Variants in DNAH12 observed in about 807,000 individuals in gnomAD.
DNAH12 encodes the protein dynein axonemal heavy chain 12, also known as axonemal beta dynein heavy chain 12.
In DNAH12, 285 loss-of-function variants were observed where a neutral mutation model predicts 371.5. That is an observed-to-expected ratio of 0.77 (90% CI 0.70 to 0.85). The LOEUF is 0.85. Ranked by LOEUF, DNAH12 falls within the 40% of genes least tolerant of loss-of-function variation. DNAH12 has a pLI of 0.00. For missense variants in DNAH12, 3,611 were observed against 3,689.4 expected (o/e 0.98, Z 0.55); for synonymous variants, 1,200 against 1,213.0 (o/e 0.99, Z 0.22).
chr3:57,339,643 G>T (rs1433478214), intron 60 of DNAH12, among the ~76,000 whole-genome samples: 1 of 151,902 alleles, frequency 6.6e-6, no homozygotes, highest in Non-Finnish European at 1.5e-5. Flanking sequence ...TGTTTCAATT[G>T]AACTAATATT....
intron 12 of DNAH12, among the ~76,000 whole-genome samples, chr3:57,487,539 G>C (rs4377464): frequency 1.3e-5 from 2 of 151,858 alleles, no homozygotes; most frequent in Admixed American, 1.3e-4. Context: ...TTCAGCAAAA[G>C]AAAAGGAGGC....
chr3:57,408,171 A>G, intron 40 of DNAH12, 109 bp downstream of exon 40: 1 of 1,227,584 alleles, frequency 8.1e-7, no homozygotes, highest in Non-Finnish European at 1.1e-6. Flanking sequence ...TCTTCTAAAC[A>G]GTTTCTCTGA....
intron 57 of DNAH12, among the ~76,000 whole-genome samples, chr3:57,364,190 T>C (rs1456654836): frequency 6.6e-6 from 1 of 152,172 alleles, no homozygotes; most frequent in African/African-American, 2.4e-5. Context: ...GCTGGTTCTT[T>C]AAGTGAAAGG....
At chr3:57,343,091 C>A (rs782472699) in intron 60 of DNAH12, among the ~76,000 whole-genome samples, 6 of 151,550 alleles carry the variant, frequency 4.0e-5, no homozygotes, top group Non-Finnish European at 8.8e-5. Context: ...AAAAAATAGG[C>A]AAATGATCTG....
intron 55 of DNAH12, among the ~76,000 whole-genome samples, chr3:57,372,569 A>G (rs1311963250): frequency 6.6e-6 from 1 of 152,112 alleles, no homozygotes; most frequent in Non-Finnish European, 1.5e-5. Context: ...CACAAAAGAC[A>G]GAAAAGAGAA....
At chr3:57,365,389 A>T (rs1180536773) in intron 57 of DNAH12, among the ~76,000 whole-genome samples, 1 of 152,232 alleles carries the variant, frequency 6.6e-6, no homozygotes, top group African/African-American at 2.4e-5. Context: ...GTTCTCACTT[A>T]TAAGTGGGAG....
At chr3:57,513,199 G>A (rs1028325225) in intron 4 of DNAH12, among the ~76,000 whole-genome samples, 2 of 151,804 alleles carry the variant, frequency 1.3e-5, no homozygotes, top group African/African-American at 4.8e-5. Context: ...AAAAAGGAAT[G>A]AGATCATGTC....
intron 38 of DNAH12, among the ~76,000 whole-genome samples, chr3:57,414,818 G>A (rs560545994): frequency 6.6e-6 from 1 of 152,272 alleles, no homozygotes; most frequent in South Asian, 2.1e-4. Flanking sequence ...TTGAAGTTCA[G>A]TGAAGAACAT....
chr3:57,323,650 G>T, intron 62 of DNAH12, 31 bp from the exon 63 acceptor site: 6 of 1,481,990 alleles, frequency 4.0e-6, no homozygotes, highest in Non-Finnish European at 5.4e-6. Context: ...GATCTTTAGA[G>T]CAACTTTTAT....
intron 50 of DNAH12, among the ~76,000 whole-genome samples, chr3:57,381,871 A>T (rs1374226467): frequency 1.6e-4 from 21 of 128,262 alleles, no homozygotes; most frequent in East Asian, 4.0e-4. Context: ...AACCATATAT[A>T]TATATTTTTT....
intron 39 of DNAH12, 108 bp from the exon 40 acceptor site, chr3:57,408,643 G>A: frequency 1.5e-6 from 2 of 1,298,898 alleles, no homozygotes; most frequent in Non-Finnish European, 2.0e-6. Flanking sequence ...TTCTCTAAAA[G>A]GAATAACTTC....
intron 32 of DNAH12, among the ~76,000 whole-genome samples, chr3:57,430,479 T>A (rs1233018694): frequency 6.6e-6 from 1 of 152,176 alleles, no homozygotes; most frequent in East Asian, 1.9e-4. Context: ...AGACTATGCA[T>A]TGAGTTTTTT....
At chr3:57,522,175 G>T (rs2068473144) in intron 4 of DNAH12, among the ~76,000 whole-genome samples, 1 of 151,854 alleles carries the variant, frequency 6.6e-6, no homozygotes, top group Non-Finnish European at 1.5e-5. Flanking sequence ...AGTGAGCCAG[G>T]ATCACGCCAC....
At chr3:57,297,199 G>A (rs502442) in intron 70 of DNAH12, 234,110 of 546,006 alleles carry the variant, frequency 0.43, 56,997 homozygotes, top group East Asian at 0.91. Flanking sequence ...GAGCATTAAC[G>A]TGAATGAAAC....
In DNAH12 at chr3:57,501,366, T is replaced by C; in HGVS notation, c.1290A>G (p.Ile430Met). 2 of 1,596,972 alleles carry C rather than the reference T, an allele frequency of 1.3e-6. No individual in the cohort carries two copies. The highest frequency in any genetic ancestry group is 8.5e-7 in the Non-Finnish European group (1 of 1,175,460). ...TATGATCTTCTGTCTGAAAAGTCTCTATATTCTCAACTGCAGTCCCATCAA... is the reference window on the plus strand; with the variant it reads ...TATGATCTTCTGTCTGAAAAGTCTCCATATTCTCAACTGCAGTCCCATCAA... ...WLLDGTAVEN[I>M]ETFQTEDHTF... is the part of the protein sequence containing the mutation. Residue 430 changes from isoleucine (I) to methionine (M), a missense_variant, in exon 11 of 74, where the codon ATA (isoleucine) becomes ATG (methionine). Physicochemically the swap from Ile to Met is conservative, Grantham distance 10. Around this residue, in one of 3 missense-constraint regions of DNAH12, gnomAD observed 1,314 missense variants for 1,398.7 expected, o/e 0.94. Coordinates refer to ENST00000495027, the MANE Select transcript of DNAH12 (RefSeq NM_001366028.2).
intron 57 of DNAH12, among the ~76,000 whole-genome samples, chr3:57,364,324 T>C (rs1404919219): frequency 2.0e-5 from 3 of 152,090 alleles, no homozygotes; most frequent in African/African-American, 7.2e-5. Flanking sequence ...ACTCTACAAG[T>C]GGGATTTAAA....
chr3:57,469,480 G>A (rs1487619425), intron 16 of DNAH12, among the ~76,000 whole-genome samples: 1 of 151,948 alleles, frequency 6.6e-6, no homozygotes, highest in Non-Finnish European at 1.5e-5. Context: ...CCCATTACTG[G>A]GTATATACCC....
chr3:57,309,746 G>A lies in DNAH12; in HGVS notation c.11005C>T (p.Gln3669Ter). Residue 3669 changes from glutamine (Q) to a stop codon, truncating the protein, a stop_gained, in exon 68 of 74, where the codon CAG (glutamine) becomes TAG (stop). Coordinates refer to ENST00000495027, the MANE Select transcript of DNAH12 (RefSeq NM_001366028.2). LOFTEE classifies it high-confidence loss of function. The part of the protein sequence containing the change: ...KTLFESLLLT[Q>*]GGSKQTGASG... ...GCTCCTGTCTGTTTGGAGCCTCCCT[G>A]GGTGAGGAGCAAGGACTCAAAGAGG... The A allele has an allele frequency of 6.4e-7, 1 of 1,551,278 alleles. No homozygotes were observed. Among genetic ancestry groups the A allele is most frequent in the Non-Finnish European group, 8.7e-7 (1 of 1,146,804 alleles).
At chr3:57,498,286 A>C (rs2067385434) in intron 11 of DNAH12, 1 of 552,264 alleles carries the variant, frequency 1.8e-6, no homozygotes, top group Non-Finnish European at 3.2e-6. Flanking sequence ...GTGAGATTGT[A>C]AATGGTATAA....
Sources: allele counts gnomAD v4.1 joint callset (sites outside exome capture counted in the v4.1 genomes callset), GRCh38; gene constraint gnomAD v4.1.1; regional missense constraint gnomAD v4.1.1; transcripts MANE v1.5; gene names NCBI Gene and HGNC (gene_info 2026-07-23, HGNC 2026-07-21).